Variants in ROBO1 observed in about 807,000 individuals in gnomAD.
ROBO1 encodes the protein roundabout guidance receptor 1, also known as roundabout homolog 1.
ROBO1 carries 149 observed loss-of-function variants against 195.9 expected under a neutral mutation model. The ratio of observed to expected loss-of-function variants is 0.76; its 90% CI spans 0.67 to 0.87. The LOEUF (loss-of-function observed/expected upper bound fraction) is 0.87, where lower values mean the gene tolerates loss of function less well. Among genes scored for constraint, ROBO1 ranks in the 40% least tolerant of loss-of-function variants. The pLI is 0.00. For synonymous variants in ROBO1, 816 were observed against 733.2 expected (o/e 1.11, Z -1.82); for missense variants, 1,933 against 2,068.3 (o/e 0.93, Z 1.27).
chr3:78,799,017 T>C (rs553889570), intron 4 of ROBO1, among the ~76,000 whole-genome samples: 1 of 152,258 alleles, frequency 6.6e-6, no homozygotes, highest in African/African-American at 2.4e-5. Flanking sequence ...AGAATCAGCT[T>C]GGATGATTTT....
intron 2 of ROBO1, among the ~76,000 whole-genome samples, chr3:79,232,252 A>ATATAT (rs1449155326): frequency 6.9e-6 from 1 of 145,024 alleles, no homozygotes; most frequent in Non-Finnish European, 1.5e-5. Context: ...TGATTTAAAA[A>ATATAT]AAAAAAAAAT....
At chr3:78,733,093 T>A (rs778298720) in intron 5 of ROBO1, among the ~76,000 whole-genome samples, 5 of 152,288 alleles carry the variant, frequency 3.3e-5, no homozygotes, top group African/African-American at 1.2e-4. Context: ...AACAAAAGAA[T>A]TGCAGAATCA....
chr3:79,506,819 T>C (rs944500781), intron 2 of ROBO1, among the ~76,000 whole-genome samples: 1 of 152,242 alleles, frequency 6.6e-6, no homozygotes, highest in Admixed American at 6.5e-5. Context: ...TAAAAGCATA[T>C]GTGCAACTTA....
chr3:79,493,042 G>T (rs1180727835), intron 2 of ROBO1, among the ~76,000 whole-genome samples: 2 of 151,756 alleles, frequency 1.3e-5, no homozygotes, highest in Non-Finnish European at 2.9e-5. Flanking sequence ...ATAATAAGAA[G>T]CAAAAATACA....
intron 1 of ROBO1, among the ~76,000 whole-genome samples, chr3:79,764,035 C>G (rs1032818844): frequency 6.6e-6 from 1 of 152,132 alleles, no homozygotes; most frequent in African/African-American, 2.4e-5. Flanking sequence ...TGGCTCTGCC[C>G]CTTTTTGGCT....
intron 2 of ROBO1, among the ~76,000 whole-genome samples, chr3:79,370,722 T>C (rs977660167): frequency 6.6e-6 from 1 of 151,986 alleles, no homozygotes; most frequent in African/African-American, 2.4e-5. Context: ...AATGTGCAGG[T>C]TTGTTACATA....
intron 2 of ROBO1, among the ~76,000 whole-genome samples, chr3:79,245,132 C>T (rs1298719882): frequency 6.6e-6 from 1 of 152,052 alleles, no homozygotes; most frequent in Admixed American, 6.6e-5. Context: ...ACCATTGGAT[C>T]TATTTAACAT....
intron 3 of ROBO1, among the ~76,000 whole-genome samples, chr3:78,978,384 T>TCA (rs1303259552): frequency 6.6e-6 from 1 of 152,116 alleles, no homozygotes. Flanking sequence ...CATAGACTGC[T>TCA]GCTTTACATT....
chr3:79,665,005 C>A (rs1946435206), intron 1 of ROBO1, among the ~76,000 whole-genome samples: 1 of 151,836 alleles, frequency 6.6e-6, no homozygotes. Flanking sequence ...GATTTTCTTA[C>A]TGAAATAACT....
chr3:78,955,547 T>C (rs2041007508), intron 3 of ROBO1, among the ~76,000 whole-genome samples: 1 of 152,180 alleles, frequency 6.6e-6, no homozygotes, highest in Admixed American at 6.6e-5. Context: ...GAGTTCTTTG[T>C]CTAAAGAGTT....
intron 4 of ROBO1, among the ~76,000 whole-genome samples, chr3:78,771,724 T>C (rs527326371): frequency 1.3e-5 from 2 of 152,268 alleles, no homozygotes; most frequent in South Asian, 4.1e-4. Context: ...TATACAAATT[T>C]TTGTAAAATG....
chr3:78,990,033 T>C (rs2077199567), intron 3 of ROBO1, among the ~76,000 whole-genome samples: 1 of 152,092 alleles, frequency 6.6e-6, no homozygotes, highest in Non-Finnish European at 1.5e-5. Context: ...TGGTGTTTAA[T>C]AATAGCAAGA....
intron 1 of ROBO1, among the ~76,000 whole-genome samples, chr3:79,637,840 A>C (rs1171567420): frequency 6.6e-6 from 1 of 152,072 alleles, no homozygotes; most frequent in African/African-American, 2.4e-5. Flanking sequence ...AGTATCAGGC[A>C]CTCTGTGTAT....
intron 2 of ROBO1, among the ~76,000 whole-genome samples, chr3:79,411,019 A>G (rs1031471071): frequency 6.6e-6 from 1 of 152,152 alleles, no homozygotes; most frequent in African/African-American, 2.4e-5. Flanking sequence ...CTGAACATTC[A>G]GCAACATTTT....
intron 2 of ROBO1, among the ~76,000 whole-genome samples, chr3:79,478,720 A>G (rs1288471908): frequency 1.3e-5 from 2 of 152,016 alleles, no homozygotes; most frequent in Non-Finnish European, 2.9e-5. Context: ...AGCCTTCTTC[A>G]TTACTGTTCT....
intron 2 of ROBO1, among the ~76,000 whole-genome samples, chr3:79,233,279 T>C (rs1292119595): frequency 6.6e-6 from 1 of 152,084 alleles, no homozygotes; most frequent in Admixed American, 6.5e-5. Flanking sequence ...TATTTCTATC[T>C]TTGGGTGAAG....
chr3:79,330,203 A>T (rs573685389), intron 2 of ROBO1, among the ~76,000 whole-genome samples: 104 of 150,412 alleles, frequency 6.9e-4, no homozygotes, highest in Non-Finnish European at 1.1e-3. Context: ...TGCATGGCAC[A>T]TGTATACATA....
At chr3:79,087,723 T>C (rs2079398955) in intron 3 of ROBO1, among the ~76,000 whole-genome samples, 1 of 151,936 alleles carries the variant, frequency 6.6e-6, no homozygotes, top group Non-Finnish European at 1.5e-5. Context: ...CTAATAATAA[T>C]AAAATAAGGA....
At chr3:79,327,412 T>G (rs2034256363) in intron 2 of ROBO1, among the ~76,000 whole-genome samples, 1 of 152,046 alleles carries the variant, frequency 6.6e-6, no homozygotes, top group Admixed American at 6.6e-5. Flanking sequence ...TTCAAGAAAA[T>G]ATATCAAGCC....
Sources: gnomAD v4.1 joint callset for allele counts (sites outside exome capture counted in the v4.1 genomes callset) on GRCh38, gnomAD v4.1.1 for gene constraint, MANE v1.5 for transcripts, NCBI Gene and HGNC (gene_info 2026-07-23, HGNC 2026-07-21) for gene names.